The following DCHS1 variants were observed in gnomAD, a reference collection of about 807,000 sequenced individuals.
DCHS1 encodes dachsous cadherin-related 1, also known as protocadherin-16.
Under a neutral mutation model 213.9 loss-of-function variants are expected in DCHS1, and 78 were observed. The observed-to-expected ratio is 0.36, with a 90% CI of 0.30 to 0.44. DCHS1 has a LOEUF of 0.44. Among genes scored for constraint, DCHS1 ranks in the 20% least tolerant of loss-of-function variants. The pLI is 1.00. For missense variants in DCHS1, 3,946 were observed against 4,395.9 expected (o/e 0.90, Z 2.89); for synonymous variants, 1,828 against 1,873.7 (o/e 0.98, Z 0.63).
chr11:6,625,553 GTC>G lies in DCHS1; in HGVS notation c.6862+42_6862+43del. On this transcript the variant is annotated intron_variant, in intron 18 of 20. Transcript: ENST00000299441. The surrounding 1 kb of genome is among the most constrained non-coding windows in gnomAD (Gnocchi z 5.3). ...CTTGAGCTGCAGGGTGGAGAAAAAT[GTC>G]TCTCTGCCACCCTTTATGCCACCCA... The G allele has an allele frequency of 6.2e-7, 1 of 1,612,372 alleles. No individual in the cohort carries two copies. The highest frequency in any genetic ancestry group is 8.5e-7 in the Non-Finnish European group (1 of 1,179,462).
Position 6,625,093 on chromosome 11 carries a change from AT to A in DCHS1, c.7146+104del, listed in dbSNP as rs761839530. The A allele has an allele frequency of 1.6e-5, 24 of 1,473,650 alleles. No homozygotes were observed. The highest frequency in any genetic ancestry group is 2.2e-5 in the Non-Finnish European group (24 of 1,095,696). 91.3% of individuals were successfully genotyped at this position (1,473,650 alleles called of 1,614,324 possible). On this transcript the variant is annotated intron_variant, in intron 19 of 20. Coordinates refer to ENST00000299441, the MANE Select transcript of DCHS1 (RefSeq NM_003737.4). The surrounding 1 kb of genome is among the most constrained non-coding windows in gnomAD (Gnocchi z 5.3). ...GGACTTGGGACCTTCCCATTCCCAGATCAGCTCCAACGTCCAGCCCACCTCA... is the reference window on the plus strand; with the variant it reads ...GGACTTGGGACCTTCCCATTCCCAGACAGCTCCAACGTCCAGCCCACCTCA...
At position 6,641,044 on chromosome 11, in the gene DCHS1, G is replaced by A; in HGVS notation, c.570C>T (p.Thr190=). The A allele has an allele frequency of 6.2e-7, 1 of 1,613,994 alleles. No individual in the cohort carries two copies. The highest frequency in any genetic ancestry group is 8.5e-7 in the Non-Finnish European group (1 of 1,179,894). The part of the protein sequence containing the change: ...YALSGDGAGE[T]FRLETRPGPD... ...GACCGGGGCGTGTCTCCAGCCGGAA[G>A]GTCTCTCCAGCCCCATCACCAGATA... is the stretch of plus-strand genomic sequence containing the variant. Residue 190 remains threonine, a synonymous_variant, in exon 2 of 21, where the codon ACC becomes ACT. Transcript: ENST00000299441. The surrounding 1 kb of genome is among the most constrained non-coding windows in gnomAD (Gnocchi z 7.1).
Position 6,622,884 on chromosome 11 carries a change from G to T in DCHS1, c.8792C>A (p.Pro2931His). 6.3e-7 allele frequency: 1 copy of T among 1,597,244 alleles called. No homozygotes were observed. Among genetic ancestry groups the T allele is most frequent in the South Asian group, 1.1e-5 (1 of 88,112 alleles). ...DITHTALGLAPDLNLLLVGAV... is the reference protein window; with the variant it reads ...DITHTALGLAHDLNLLLVGAV... ...CCCTACTAATAGCAGGTTGAGGTCA[G>T]GTGCCAGGCCCAGTGCGGTGTGGGT... The change falls in exon 21 of 21, where the codon CCT (proline) becomes CAT (histidine). Residue 2931 changes from proline (P) to histidine (H), a missense_variant. Physicochemically the swap from Pro to His is moderately conservative, Grantham distance 77. Coordinates refer to ENST00000299441, the MANE Select transcript of DCHS1 (RefSeq NM_003737.4). The surrounding 1 kb of genome is among the most constrained non-coding windows in gnomAD (Gnocchi z 5.4).
intron 20 of DCHS1, 112 bp downstream of exon 20, chr11:6,624,618 C>G: frequency 6.6e-7 from 1 of 1,508,594 alleles, no homozygotes; most frequent in Non-Finnish European, 9.0e-7. Context: ...AAATGTCCTC[C>G]CTAGGCCAGA....
chr11:6,624,529 G>A (rs1038033367), intron 20 of DCHS1, 139 bp from the exon 21 acceptor site: 6 of 1,289,062 alleles, frequency 4.7e-6, no homozygotes, highest in African/African-American at 4.5e-5. Flanking sequence ...CAAGGGGATG[G>A]CCTCAAGGAT....
In DCHS1 at chr11:6,634,231, C is replaced by T. The variant is rs770172402; in HGVS notation, c.1873G>A (p.Gly625Arg). The change falls in exon 3 of 21, where the codon GGA (glycine) becomes AGA (arginine). Residue 625 changes from glycine (G) to arginine (R), a missense_variant. Coordinates refer to ENST00000299441, the MANE Select transcript of DCHS1 (RefSeq NM_003737.4). ...GCATCAATGCGGAATGGGGGAGATC[C>T]GGAGGACCCAAGTCCAGCACCCAAG... ...YSLGAGLGSS[G>R]SPPFRIDAHS... 2.9e-5 allele frequency: 46 copies of T among 1,613,888 alleles called. 1 individual carries two copies. The Admixed American group carries it at 3.2e-4, about 11-fold the overall frequency.
rs375779430 is a variant in DCHS1 at position 6,628,712 on chromosome 11, C to T, written c.5280G>A (p.Val1760=). 7 of 1,614,018 alleles carry T rather than the reference C, an allele frequency of 4.3e-6. No homozygotes were observed. Among genetic ancestry groups the T allele is most frequent in the Non-Finnish European group, 5.1e-6 (6 of 1,179,894 alleles). The part of the protein sequence containing the change: ...TFGSAHLSLE[V]PEGQDPQTLT... ...GGGTCTGGGGGTCCTGGCCCTCAGGCACCTCCAGAGAGAGATGGGCACTCC... is the reference window on the plus strand; with the variant it reads ...GGGTCTGGGGGTCCTGGCCCTCAGGTACCTCCAGAGAGAGATGGGCACTCC... The change falls in exon 13 of 21, where the codon GTG becomes GTA. Residue 1760 remains valine (V), a synonymous_variant. Transcript: ENST00000299441. This position sits in a 1 kb window ranked among gnomAD's most constrained non-coding sequence, Gnocchi z 4.3.
rs574604458 is a variant in DCHS1 at position 6,634,216 on chromosome 11, G to A, written c.1888C>T (p.Arg630Cys). 4.0e-5 allele frequency: 65 copies of A among 1,613,972 alleles called. No individual in the cohort carries two copies. Among genetic ancestry groups the A allele is most frequent in the South Asian group, 1.9e-4 (17 of 91,072 alleles). The change falls in exon 3 of 21, where the codon CGC becomes TGC. Residue 630 changes from arginine to cysteine, a missense_variant. By Grantham distance (180) the Arg-to-Cys change is radical (BLOSUM62 -3). Around this residue, in one of 3 missense-constraint regions of DCHS1, gnomAD observed 3,384 missense variants for 3,780.1 expected, o/e 0.90. Coordinates refer to ENST00000299441, the MANE Select transcript of DCHS1 (RefSeq NM_003737.4). ...ACATCACCGCTGTGGGCATCAATGC[G>A]GAATGGGGGAGATCCGGAGGACCCA... ...GLGSSGSPPF[R>C]IDAHSGDVCT...
rs1855755676 is a variant in DCHS1 at position 6,624,273 on chromosome 11, A to G, written c.7403T>C (p.Val2468Ala). 1.9e-6 allele frequency: 3 copies of G among 1,608,080 alleles called. No homozygotes were observed. The highest frequency in any genetic ancestry group is 2.5e-6 in the Non-Finnish European group (3 of 1,177,740). The change falls in exon 21 of 21, where the codon GTG becomes GCG. Residue 2468 changes from valine to alanine, a missense_variant. Coordinates refer to ENST00000299441, the MANE Select transcript of DCHS1 (RefSeq NM_003737.4). Reference protein sequence around the residue: ...GAPGRAARATVHVQLQDQNDH... With the variant: ...GAPGRAARATAHVQLQDQNDH... ...GTTCTGGTCCTGCAGCTGCACGTGC[A>G]CTGTGGCTCGTGCTGCCCGGCCTGG... is the stretch of plus-strand genomic sequence containing the variant.
At position 6,622,376 on chromosome 11, in the gene DCHS1, T is replaced by G. The variant is rs1212214935; in HGVS notation, c.9300A>C (p.Pro3100=). 8 of 1,567,930 alleles carry G rather than the reference T, an allele frequency of 5.1e-6. No individual in the cohort carries two copies. Among genetic ancestry groups the G allele is most frequent in the Non-Finnish European group, 6.9e-6 (8 of 1,156,372 alleles). Residue 3100 remains proline, a synonymous_variant, in exon 21 of 21, where the codon CCA becomes CCC. Coordinates refer to ENST00000299441, the MANE Select transcript of DCHS1 (RefSeq NM_003737.4). The surrounding 1 kb of genome is among the most constrained non-coding windows in gnomAD (Gnocchi z 5.4). ...YKGRKAGLLL[P]GAGATLYREE... ...CTCTGTAGAGAGTGGCTCCTGCACC[T>G]GGCAGCAGCAGCCCTGCCTTTCGGC...
chr11:6,633,014 G>A lies in DCHS1; in HGVS notation c.2498C>T (p.Pro833Leu). The A allele has an allele frequency of 6.2e-7, 1 of 1,611,726 alleles. No homozygotes were observed. Among genetic ancestry groups the A allele is most frequent in the Non-Finnish European group, 8.5e-7 (1 of 1,178,072 alleles). ...CGCATCTAGGGAGAAGAGTCCTCGG[G>A]GATCCCCACCTGATAGGGAAAGGGT... ...PVTLSLSGGD[P>L]RGLFSLDAVS... Residue 833 changes from proline (P) to leucine (L), a missense_variant, in exon 6 of 21, where the codon CCC becomes CTC. Physicochemically the swap from Pro to Leu is moderately conservative, Grantham distance 98. Around this residue, in one of 3 missense-constraint regions of DCHS1, gnomAD observed 3,384 missense variants for 3,780.1 expected, o/e 0.90. Coordinates refer to ENST00000299441, the MANE Select transcript of DCHS1 (RefSeq NM_003737.4).
In DCHS1 at chr11:6,633,837, T is replaced by C. The variant is rs768552757; in HGVS notation, c.2170A>G (p.Ile724Val). 6.2e-7 allele frequency: 1 copy of C among 1,613,906 alleles called. No individual in the cohort carries two copies. The highest frequency in any genetic ancestry group is 1.1e-5 in the South Asian group (1 of 91,078). ...AGTGGGGGGCTGTTGCCAGCCAGGA[T>C]ATGGTAGGAGAGTCGCCCATGGGAT... is the stretch of plus-strand genomic sequence containing the variant. ...QGSHGRLSYH[I>V]LAGNSPPLFT... Residue 724 changes from isoleucine (I) to valine (V), a missense_variant, in exon 4 of 21, where the codon ATC (isoleucine) becomes GTC (valine). This residue lies in a region of DCHS1 where 3,384 missense variants were observed against 3,780.1 expected (regional missense o/e 0.90). Transcript: ENST00000299441.
chr11:6,650,415 G>A (rs921254050), intron 1 of DCHS1, among the ~76,000 whole-genome samples: 6 of 152,182 alleles, frequency 3.9e-5, no homozygotes, highest in Non-Finnish European at 7.3e-5. Context: ...GCTGAAGGAA[G>A]GGGGGTCAGC....
In DCHS1 at chr11:6,637,079, A is replaced by G. The variant is rs149026071; in HGVS notation, c.1797+2738T>C. Among the ~76,000 whole-genome samples the G allele has an allele frequency of 3.7e-3, 560 of 152,190 alleles. 4 individuals are homozygous for G. Among genetic ancestry groups the G allele is most frequent in the African/African-American group, 0.013 (534 of 41,496 alleles). On this transcript the variant is annotated intron_variant, in intron 2 of 20. Coordinates refer to ENST00000299441, the MANE Select transcript of DCHS1 (RefSeq NM_003737.4). The stretch of plus-strand genomic sequence containing the variant: ...GATTAAGTAAGTCCTCATTAACTCT[A>G]TTTGTCTGTTCCTTTCCATCACCAT...
chr11:6,629,250 G>C (rs776046454), intron 12 of DCHS1, among the ~76,000 whole-genome samples: 1 of 152,186 alleles, frequency 6.6e-6, no homozygotes, highest in Non-Finnish European at 1.5e-5. Context: ...GAATTTGTAC[G>C]GTCACAGTTG....
At position 6,622,759 on chromosome 11, in the gene DCHS1, C is replaced by A; in HGVS notation, c.8917G>T (p.Gly2973Cys). Residue 2973 changes from glycine (G) to cysteine (C), a missense_variant, in exon 21 of 21, where the codon GGC (glycine) becomes TGC (cysteine). Gly to Cys is a radical substitution (Grantham distance 159). Transcript: ENST00000299441. The surrounding 1 kb of genome is among the most constrained non-coding windows in gnomAD (Gnocchi z 5.4). Reference sequence around the variant, plus strand: ...AGGGGTGCTGCCTGTGACATTGGGCCAGGGGCTGCCTCAGCCTTGCGGCTA... The same window carrying A: ...AGGGGTGCTGCCTGTGACATTGGGCAAGGGGCTGCCTCAGCCTTGCGGCTA... The part of the protein sequence containing the change: ...ARSRKAEAAP[G>C]PMSQAAPLAS... The A allele has an allele frequency of 6.3e-7, 1 of 1,591,424 alleles. No individual in the cohort carries two copies. Among genetic ancestry groups the A allele is most frequent in the Non-Finnish European group, 8.6e-7 (1 of 1,169,260 alleles).
At chr11:6,635,810 G>C (rs905743586) in intron 2 of DCHS1, among the ~76,000 whole-genome samples, 5 of 152,206 alleles carry the variant, frequency 3.3e-5, no homozygotes, top group African/African-American at 1.2e-4. Context: ...ATAAACAGTG[G>C]TCTGGGGAAG....
chr11:6,655,288 GC>G (rs765000862), intron 1 of DCHS1, among the ~76,000 whole-genome samples: 1 of 152,032 alleles, frequency 6.6e-6, no homozygotes. Context: ...CTCCGACGAT[GC>G]ACTGGAACAC....
Position 6,633,651 on chromosome 11 carries a change from G to A in DCHS1, c.2219-3C>T, listed in dbSNP as rs1855946439. The stretch of plus-strand genomic sequence containing the variant: ...GGGCCAGGCTACTGTCAACAGCCCT[G>A]AGAGGAAGAATAGAAGCAGAGATAT... On this transcript the variant is annotated splice_polypyrimidine_tract_variant and splice_region_variant and intron_variant, in intron 4 of 20. Transcript: ENST00000299441. 3 of 1,603,990 alleles carry A rather than the reference G, an allele frequency of 1.9e-6. No individual in the cohort carries two copies. Among genetic ancestry groups the A allele is most frequent in the Non-Finnish European group, 2.6e-6 (3 of 1,174,888 alleles).
Sources: allele counts gnomAD v4.1 joint callset (sites outside exome capture counted in the v4.1 genomes callset), GRCh38; gene constraint gnomAD v4.1.1; regional missense constraint gnomAD v4.1.1; non-coding constraint Gnocchi (gnomAD v3.1); transcripts MANE v1.5; gene names NCBI Gene and HGNC (gene_info 2026-07-23, HGNC 2026-07-21).